Variants in ASXL2 observed in about 807,000 individuals in gnomAD.
The protein encoded by ASXL2 is ASXL transcriptional regulator 2.
A neutral mutation model predicts 122.0 loss-of-function variants in ASXL2; 23 were observed. The ratio of observed to expected loss-of-function variants is 0.19; its 90% CI spans 0.14 to 0.27. The LOEUF is 0.27. ASXL2 is among the 10% of genes least tolerant of loss of function. The pLI is 1.00. For missense variants in ASXL2, 1,518 were observed against 1,713.8 expected (o/e 0.89, Z 2.02); for synonymous variants, 650 against 637.0 (o/e 1.02, Z -0.31).
intron 6 of ASXL2, among the ~76,000 whole-genome samples, chr2:25,771,081 C>G (rs942809701): frequency 1.3e-5 from 2 of 151,896 alleles, no homozygotes; most frequent in African/African-American, 4.8e-5. Context: ...ACTAAAAATA[C>G]AAAAATTAGC....
chr2:25,770,430 T>C (rs1469060865), intron 6 of ASXL2, among the ~76,000 whole-genome samples: 1 of 152,132 alleles, frequency 6.6e-6, no homozygotes, highest in African/African-American at 2.4e-5. Context: ...CGTGAGTCAC[T>C]GCACCCAACC....
At chr2:25,847,270 A>G (rs1200895227) in intron 1 of ASXL2, among the ~76,000 whole-genome samples, 1 of 152,204 alleles carries the variant, frequency 6.6e-6, no homozygotes, top group African/African-American at 2.4e-5. Context: ...TCTCTCTGCT[A>G]CATCTAACAT....
At chr2:25,789,660 C>T (rs1004992248) in intron 5 of ASXL2, among the ~76,000 whole-genome samples, 1 of 152,058 alleles carries the variant, frequency 6.6e-6, no homozygotes, top group African/African-American at 2.4e-5. Context: ...AGTGCCAACA[C>T]GATGCTCAAA....
chr2:25,744,396 A>G lies in ASXL2; in HGVS notation c.1941T>C (p.Thr647=), dbSNP rs367997831. The part of the protein sequence containing the change: ...SPRARFPVSI[T]SPNRTGARTL... Reference sequence around the variant, plus strand: ...TTCTGGCTCCTGTTCTGTTAGGACTAGTGATGGAGACTGGAAAACGAGCCC... The same window carrying G: ...TTCTGGCTCCTGTTCTGTTAGGACTGGTGATGGAGACTGGAAAACGAGCCC... Residue 647 remains threonine, a synonymous_variant, in exon 13 of 13, where the codon ACT becomes ACC. Transcript: ENST00000435504. The surrounding 1 kb of genome is among the most constrained non-coding windows in gnomAD (Gnocchi z 4.7). 135 of 1,613,842 alleles carry G rather than the reference A, an allele frequency of 8.4e-5. No homozygotes were observed. The African/African-American group carries it at 1.5e-3, about 17-fold the overall frequency.
At chr2:25,820,452 ACCAATGAAAAGAAAGAAGTACTG>A (rs1017276781) in intron 3 of ASXL2, among the ~76,000 whole-genome samples, 1 of 152,244 alleles carries the variant, frequency 6.6e-6, no homozygotes, top group Admixed American at 6.5e-5. Flanking sequence ...AACAATTTGG[ACCAATGAAAAGAAAGAAGTACTG>A]ATCAATGCTA....
chr2:25,847,684 G>A (rs530889079), intron 1 of ASXL2, among the ~76,000 whole-genome samples: 9 of 152,140 alleles, frequency 5.9e-5, no homozygotes, highest in Admixed American at 6.5e-5. Context: ...ATACACCATG[G>A]ACCTGGATAA....
intron 1 of ASXL2, among the ~76,000 whole-genome samples, chr2:25,857,243 C>T (rs1225458214): frequency 1.3e-5 from 2 of 152,040 alleles, no homozygotes; most frequent in African/African-American, 2.4e-5. Context: ...AAAGCACACC[C>T]TATTCTTGAG....
intron 5 of ASXL2, among the ~76,000 whole-genome samples, chr2:25,775,285 G>A (rs1352722558): frequency 3.3e-5 from 5 of 151,928 alleles, no homozygotes; most frequent in African/African-American, 7.3e-5. Context: ...CCACCACCAC[G>A]CCCAGCTAAT....
chr2:25,746,584 T>C (rs923063839), intron 12 of ASXL2, among the ~76,000 whole-genome samples: 1 of 151,648 alleles, frequency 6.6e-6, no homozygotes, highest in Non-Finnish European at 1.5e-5. Flanking sequence ...GACAAACAAC[T>C]TTACATAAGA....
intron 1 of ASXL2, among the ~76,000 whole-genome samples, chr2:25,862,882 A>C (rs1299372479): frequency 6.6e-6 from 1 of 152,076 alleles, no homozygotes; most frequent in East Asian, 1.9e-4. Flanking sequence ...CTGGGATTAC[A>C]GGTGTGAGCC....
At chr2:25,783,574 T>C (rs1367590158) in intron 5 of ASXL2, among the ~76,000 whole-genome samples, 1 of 152,130 alleles carries the variant, frequency 6.6e-6, no homozygotes, top group African/African-American at 2.4e-5. Flanking sequence ...TTTTTTCTAA[T>C]TTTTAGAGTA....
intron 8 of ASXL2, among the ~76,000 whole-genome samples, chr2:25,762,952 G>C (rs1420218343): frequency 6.6e-6 from 1 of 152,050 alleles, no homozygotes; most frequent in African/African-American, 2.4e-5. Flanking sequence ...TATTAACATC[G>C]AATGAAAGAT....
At chr2:25,864,731 T>TTTTACATTTTACATTTTACATTTAC (rs1559532155) in intron 1 of ASXL2, among the ~76,000 whole-genome samples, 2 of 152,062 alleles carry the variant, frequency 1.3e-5, no homozygotes, top group Non-Finnish European at 2.9e-5. Context: ...TTACATTTTA[T>TTTTACATTTTACATTTTACATTTAC]ATGAACATAC....
intron 1 of ASXL2, among the ~76,000 whole-genome samples, chr2:25,860,325 A>T (rs944061755): frequency 1.3e-5 from 2 of 151,892 alleles, no homozygotes; most frequent in African/African-American, 4.8e-5. Context: ...AATAAAAAAA[A>T]ATGGAAACAA....
At chr2:25,807,015 T>A (rs960258858) in intron 3 of ASXL2, among the ~76,000 whole-genome samples, 3 of 152,184 alleles carry the variant, frequency 2.0e-5, no homozygotes, top group African/African-American at 4.8e-5. Flanking sequence ...AAGACAATGT[T>A]TCTACATCTA....
intron 3 of ASXL2, among the ~76,000 whole-genome samples, chr2:25,813,868 G>C (rs2089202700): frequency 1.3e-5 from 2 of 152,124 alleles, no homozygotes; most frequent in South Asian, 4.2e-4. Flanking sequence ...GGCTAACACG[G>C]TGAAACCCTG....
At chr2:25,838,377 T>A (rs1357585342) in intron 2 of ASXL2, among the ~76,000 whole-genome samples, 2 of 152,252 alleles carry the variant, frequency 1.3e-5, no homozygotes, top group Non-Finnish European at 2.9e-5. Context: ...AATCTGTTAA[T>A]AAGTTCCAGT....
intron 1 of ASXL2, among the ~76,000 whole-genome samples, chr2:25,864,551 C>A (rs2089877456): frequency 6.6e-6 from 1 of 151,884 alleles, no homozygotes; most frequent in Non-Finnish European, 1.5e-5. Flanking sequence ...GGAAAATGAA[C>A]TATAAAAGGA....
intron 3 of ASXL2, among the ~76,000 whole-genome samples, chr2:25,832,081 T>C (rs1375251841): frequency 6.6e-6 from 1 of 152,154 alleles, no homozygotes; most frequent in South Asian, 2.1e-4. Context: ...AGTCATTCAA[T>C]AGAATGGAAA....
Sources: gnomAD v4.1 joint callset for allele counts (sites outside exome capture counted in the v4.1 genomes callset) on GRCh38, gnomAD v4.1.1 for gene constraint, Gnocchi (gnomAD v3.1) non-coding constraint, MANE v1.5 for transcripts, NCBI Gene and HGNC (gene_info 2026-07-23, HGNC 2026-07-21) for gene names.